FAM83D: variants seen among roughly 807,000 people sequenced by gnomAD.
FAM83D encodes the protein scaffolding CK1 anchoring protein D.
In FAM83D, 26 loss-of-function variants were observed where a neutral mutation model predicts 25.4. The observed-to-expected ratio is 1.02, with a 90% CI of 0.75 to 1.42. The LOEUF is 1.42. Among genes scored for constraint, FAM83D ranks in the 40% most tolerant of loss-of-function variants. The probability of loss-of-function intolerance (pLI) is 0.00; values close to 1 mark genes in which losing one functional copy is unlikely to be tolerated. For missense variants in FAM83D, 740 were observed against 758.1 expected, an observed-to-expected ratio of 0.98 and a Z score of 0.28; for synonymous variants, 310 against 318.5, an observed-to-expected ratio of 0.97 and a Z score of 0.28.
Position 38,926,881 on chromosome 20 carries a change from G to A in FAM83D, c.439G>A (p.Gly147Ser). The change falls in exon 1 of 4, where the codon GGC (glycine) becomes AGC (serine). Residue 147 changes from glycine to serine, a missense_variant. Gly to Ser is a moderately conservative substitution (Grantham distance 56). This residue lies in a region of FAM83D where 333 missense variants were observed against 298.6 expected (regional missense o/e 1.12). Coordinates refer to ENST00000619850, the MANE Select transcript of FAM83D (RefSeq NM_030919.3). The part of the protein sequence containing the change: ...PRGAGEGGPY[G>S]CKDALRQQLR... ...CGGCGCTGGCGAAGGTGGCCCCTAC[G>A]GCTGCAAGGACGCTCTGCGCCAGCA... The A allele has an allele frequency of 6.7e-7, 1 of 1,501,076 alleles. No homozygotes were observed. 93.0% of individuals were successfully genotyped at this position (1,501,076 alleles called of 1,614,324 possible).
intron 1 of FAM83D, among the ~76,000 whole-genome samples, chr20:38,929,778 A>C (rs1277316783): frequency 4.1e-5 from 6 of 146,154 alleles, no homozygotes; most frequent in African/African-American, 1.3e-4. Flanking sequence ...ACACGGGGAG[A>C]CCCTGTCTCT....
intron 2 of FAM83D, among the ~76,000 whole-genome samples, chr20:38,942,973 C>G (rs2085709290): frequency 6.6e-6 from 1 of 151,770 alleles, no homozygotes; most frequent in East Asian, 1.9e-4. Flanking sequence ...CTTTTAATCA[C>G]AGCAACCAGT....
In FAM83D at chr20:38,942,118, C is replaced by G. The variant is rs558982301; in HGVS notation, c.643C>G (p.Gln215Glu). The change falls in exon 2 of 4, where the codon CAG (glutamine) becomes GAG (glutamate). Residue 215 changes from glutamine (Q) to glutamate (E), a missense_variant. By Grantham distance (29) the Gln-to-Glu change is conservative (BLOSUM62 2). Around this residue, in one of 3 missense-constraint regions of FAM83D, gnomAD observed 32 missense variants for 56.2 expected, o/e 0.57. Transcript: ENST00000619850. ...MCMDLKVHPEQEKLMTVRTIT... is the reference protein window; with the variant it reads ...MCMDLKVHPEEEKLMTVRTIT... ...CATGGATCTGAAAGTTCATCCTGAA[C>G]AGGAAAAGGTTTGTGGTACACTATA... 1 of 1,614,146 alleles carries G rather than the reference C, an allele frequency of 6.2e-7. No homozygotes were observed. Among genetic ancestry groups the G allele is most frequent in the African/African-American group, 1.3e-5 (1 of 75,032 alleles).
Position 38,942,092 on chromosome 20 carries a change from G to T in FAM83D, c.617G>T (p.Cys206Phe), listed in dbSNP as rs1167683599. The T allele has an allele frequency of 6.2e-7, 1 of 1,614,078 alleles. No homozygotes were observed. The highest frequency in any genetic ancestry group is 2.2e-5 in the East Asian group (1 of 44,898). The stretch of plus-strand genomic sequence containing the variant: ...CTCCTCTCTCAATTTCTGGATATGT[G>T]CATGGATCTGAAAGTTCATCCTGAA... ...QALLSQFLDM[C>F]MDLKVHPEQE... The change falls in exon 2 of 4, where the codon TGC becomes TTC. Residue 206 changes from cysteine (C) to phenylalanine (F), a missense_variant. Coordinates refer to ENST00000619850, the MANE Select transcript of FAM83D (RefSeq NM_030919.3).
At chr20:38,929,105 A>C (rs2085648396) in intron 1 of FAM83D, among the ~76,000 whole-genome samples, 2 of 146,316 alleles carry the variant, frequency 1.4e-5, no homozygotes, top group Non-Finnish European at 3.0e-5. Flanking sequence ...TGAACCTGGG[A>C]GGTGGAGGTT....
At chr20:38,927,958 G>C (rs555856419) in intron 1 of FAM83D, among the ~76,000 whole-genome samples, 1 of 152,342 alleles carries the variant, frequency 6.6e-6, no homozygotes, top group South Asian at 2.1e-4. Context: ...TGGTCCTACT[G>C]TCTGACTCTT....
chr20:38,940,437 C>T (rs2085696850), intron 1 of FAM83D, among the ~76,000 whole-genome samples: 2 of 152,160 alleles, frequency 1.3e-5, no homozygotes, highest in Admixed American at 6.5e-5. Flanking sequence ...TGTCCTAAGT[C>T]CTCTGGGACC....
Position 38,926,904 on chromosome 20 carries a change from G to C in FAM83D, c.462G>C (p.Gln154His), listed in dbSNP as rs2085638377. The part of the protein sequence containing the change: ...GPYGCKDALR[Q>H]QLRSAREVIA... ...ACGGCTGCAAGGACGCTCTGCGCCA[G>C]CAGCTCCGCTCGGCGCGAGAGGTGA... is the stretch of plus-strand genomic sequence containing the variant. The change falls in exon 1 of 4, where the codon CAG (glutamine) becomes CAC (histidine). Residue 154 changes from glutamine to histidine, a missense_variant. Gln to His is a conservative substitution (Grantham distance 24). Transcript: ENST00000619850. The C allele has an allele frequency of 6.8e-7, 1 of 1,470,640 alleles. No homozygotes were observed. Among genetic ancestry groups the C allele is most frequent in the Admixed American group, 2.4e-5 (1 of 41,830 alleles). The allele number at this position is 1,470,640 out of a possible 1,614,324, so 91.1% of individuals were successfully genotyped here. A position where few individuals can be genotyped will look rare whatever the true frequency, so the allele number is the denominator to read the frequency against.
intron 1 of FAM83D, among the ~76,000 whole-genome samples, chr20:38,934,474 C>G (rs1004875038): frequency 2.1e-4 from 16 of 76,504 alleles, no homozygotes; most frequent in Admixed American, 5.4e-4. Flanking sequence ...GCCTGGGCAA[C>G]AAGAGTGAAA....
chr20:38,930,370 G>C (rs1465127360), intron 1 of FAM83D, among the ~76,000 whole-genome samples: 1 of 152,236 alleles, frequency 6.6e-6, no homozygotes, highest in Admixed American at 6.5e-5. Context: ...ACCAGGCACA[G>C]AGAAGTTAAG....
intron 1 of FAM83D, among the ~76,000 whole-genome samples, chr20:38,932,192 C>T (rs1355214189): frequency 1.3e-5 from 2 of 152,148 alleles, no homozygotes; most frequent in African/African-American, 4.8e-5. Context: ...TTGAGACCAG[C>T]CTGGGCAACA....
rs2085761032 is a variant in FAM83D at position 38,952,499 on chromosome 20, A to G, written c.1737A>G (p.Ala579=). 6.2e-7 allele frequency: 1 copy of G among 1,613,418 alleles called. No homozygotes were observed. Among genetic ancestry groups the G allele is most frequent in the Non-Finnish European group, 8.5e-7 (1 of 1,179,564 alleles). The change falls in exon 4 of 4, where the codon GCA becomes GCG. Residue 579 remains alanine (A), a synonymous_variant. Coordinates refer to ENST00000619850, the MANE Select transcript of FAM83D (RefSeq NM_030919.3). ...ATTTGCTTGCTGTTAGAGATGTAGC[A>G]CTTTATCCTTCCTATCAGTAACTGC... ...RVNLLAVRDV[A]LYPSYQ is the part of the protein sequence containing the mutation.
chr20:38,947,058 TCAAA>T, intron 2 of FAM83D, among the ~76,000 whole-genome samples: 1 of 152,248 alleles, frequency 6.6e-6, no homozygotes, highest in East Asian at 1.9e-4. Flanking sequence ...AATCAATGAG[TCAAA>T]CAAAAATCTT....
rs372421589 is a variant in FAM83D, at chr20:38,947,968, T to C, written c.744T>C (p.Ile248=). Residue 248 remains isoleucine (I), a synonymous_variant, in exon 3 of 4, where the codon ATT becomes ATC. Coordinates refer to ENST00000619850, the MANE Select transcript of FAM83D (RefSeq NM_030919.3). Reference sequence around the variant, plus strand: ...AGGTTCACGAAAAGTTCACGTTGATTGATGGCATCCGCGTGGCAACAGGCT... The same window carrying C: ...AGGTTCACGAAAAGTTCACGTTGATCGATGGCATCCGCGTGGCAACAGGCT... The part of the protein sequence containing the change: ...IGKVHEKFTL[I]DGIRVATGSY... 28 of 1,614,114 alleles carry C rather than the reference T, an allele frequency of 1.7e-5. No individual in the cohort carries two copies. The highest frequency in any genetic ancestry group is 8.3e-5 in the Admixed American group (5 of 60,006).
At chr20:38,943,783 C>G (rs139278095) in intron 2 of FAM83D, among the ~76,000 whole-genome samples, 4 of 152,096 alleles carry the variant, frequency 2.6e-5, no homozygotes, top group Non-Finnish European at 5.9e-5. Context: ...TTCTGCCTCC[C>G]GGGTTCAAGC....
At chr20:38,936,864 A>G (rs1363735700) in intron 1 of FAM83D, among the ~76,000 whole-genome samples, 1 of 152,218 alleles carries the variant, frequency 6.6e-6, no homozygotes, top group Non-Finnish European at 1.5e-5. Context: ...AGTAACATAA[A>G]CAGGGTCTGT....
chr20:38,930,647 A>T (rs2145799604), intron 1 of FAM83D, among the ~76,000 whole-genome samples: 1 of 148,508 alleles, frequency 6.7e-6, no homozygotes, highest in East Asian at 2.0e-4. Context: ...TGCCCAGCTA[A>T]TTTTTTCTTT....
intron 1 of FAM83D, among the ~76,000 whole-genome samples, chr20:38,938,634 A>G (rs1404997225): frequency 6.6e-6 from 1 of 151,794 alleles, no homozygotes; most frequent in Non-Finnish European, 1.5e-5. Flanking sequence ...TTCGAAGCTC[A>G]CCCCTCACTC....
At chr20:38,945,788 C>G (rs1203020982) in intron 2 of FAM83D, among the ~76,000 whole-genome samples, 1 of 123,458 alleles carries the variant, frequency 8.1e-6, no homozygotes, top group South Asian at 2.9e-4. Flanking sequence ...GATAAGGTCT[C>G]GCTATGTTGC....
Sources: allele counts gnomAD v4.1 joint callset (sites outside exome capture counted in the v4.1 genomes callset), GRCh38; gene constraint gnomAD v4.1.1; regional missense constraint gnomAD v4.1.1; transcripts MANE v1.5; gene names NCBI Gene and HGNC (gene_info 2026-07-23, HGNC 2026-07-21).